Variants in PIK3R6 observed in about 807,000 individuals in gnomAD.
The protein encoded by PIK3R6 is phosphoinositide-3-kinase regulatory subunit 6.
In PIK3R6, 91 loss-of-function variants were observed where a neutral mutation model predicts 84.9. The observed-to-expected ratio is 1.07, with a 90% CI of 0.90 to 1.28. The LOEUF is 1.28. Ranked by LOEUF, PIK3R6 falls within the 50% of genes most tolerant of loss-of-function variation. PIK3R6 has a pLI of 0.00. For missense variants in PIK3R6, 996 were observed against 985.1 expected (o/e 1.01, Z -0.15); for synonymous variants, 416 against 411.4 (o/e 1.01, Z -0.13).
chr17:8,843,578 C>G (rs937604821), intron 2 of PIK3R6, among the ~76,000 whole-genome samples: 12 of 152,024 alleles, frequency 7.9e-5, no homozygotes, highest in African/African-American at 2.9e-4. Context: ...AAAACAAACT[C>G]TCAGGCTTTG....
At chr17:8,864,537 T>TTG (rs1397568859) in intron 1 of PIK3R6, among the ~76,000 whole-genome samples, 3 of 133,994 alleles carry the variant, frequency 2.2e-5, no homozygotes, top group African/African-American at 8.6e-5. Context: ...CTCTTTTTTT[T>TTG]TTTTTTTTTT....
Position 8,804,157 on chromosome 17 carries a change from C to T in PIK3R6, c.1996-4G>A, listed in dbSNP as rs748086634. 6.2e-7 allele frequency: 1 copy of T among 1,609,828 alleles called. No individual in the cohort carries two copies. Among genetic ancestry groups the T allele is most frequent in the Non-Finnish European group, 8.5e-7 (1 of 1,176,120 alleles). On this transcript the variant is annotated splice_region_variant and splice_polypyrimidine_tract_variant and intron_variant, in intron 18 of 19. Transcript: ENST00000619866. Reference sequence around the variant, plus strand: ...TCCTGAAGGTGTTGGTCACTGTCTGCAGCACAGAGATCGCACGTGTGAGTG... The same window carrying T: ...TCCTGAAGGTGTTGGTCACTGTCTGTAGCACAGAGATCGCACGTGTGAGTG...
At chr17:8,819,307 A>C in intron 17 of PIK3R6, 109 bp from the exon 18 acceptor site, 1 of 696,928 alleles carries the variant, frequency 1.4e-6, no homozygotes, top group Non-Finnish European at 2.3e-6. Context: ...CAGCCCTGTC[A>C]CTCCTCCTTG....
rs8067644 is a variant in PIK3R6, at chr17:8,862,095, C to T, written c.-92+5434G>A. Among the ~76,000 whole-genome samples, 54,933 of 152,066 alleles carry T rather than the reference C, an allele frequency of 0.36. 11,288 individuals are homozygous for T. The highest frequency in any genetic ancestry group is 0.54 in the African/African-American group (22,524 of 41,458). ...AGCAGAAATGTGTTCTGATTGACAG[C>T]AGCCAGGTTCAGTACTATTGGAGGT... On this transcript the variant is annotated intron_variant, in intron 1 of 19. Coordinates refer to ENST00000619866, the MANE Select transcript of PIK3R6 (RefSeq NM_001010855.4). This position sits in a 1 kb window ranked among gnomAD's most constrained non-coding sequence, Gnocchi z 4.3.
rs2151158969 is a variant in PIK3R6, at chr17:8,802,935, G to C, written c.*338C>G. On this transcript the variant is annotated 3_prime_UTR_variant, in exon 20 of 20. Transcript: ENST00000619866. ...TGGCCAAGACAGCAGCTTTAACCCT[G>C]GTTTTAAGGGCTGGATGGGGAGCTT... 2 of 267,164 alleles carry C rather than the reference G, an allele frequency of 7.5e-6. No homozygotes were observed. Among genetic ancestry groups the C allele is most frequent in the South Asian group, 4.0e-5 (1 of 25,102 alleles). The allele number at this position is 267,164 out of a possible 1,614,324, so 16.5% of individuals were successfully genotyped here. A position where few individuals can be genotyped will look rare whatever the true frequency, so the allele number is the denominator to read the frequency against.
At chr17:8,831,223 G>A (rs1218116753) in intron 9 of PIK3R6, among the ~76,000 whole-genome samples, 2 of 146,594 alleles carry the variant, frequency 1.4e-5, no homozygotes, top group Non-Finnish European at 3.0e-5. Context: ...CCAGCTAGTC[G>A]AAAGGCTGAG....
At chr17:8,854,584 A>G (rs143224165) in intron 1 of PIK3R6, among the ~76,000 whole-genome samples, 350 of 152,370 alleles carry the variant, frequency 2.3e-3, no homozygotes, top group Non-Finnish European at 4.1e-3. Context: ...TTGTAAAGGC[A>G]AGTCAATGGA....
chr17:8,817,217 A>T (rs1053238582), intron 18 of PIK3R6, among the ~76,000 whole-genome samples: 3 of 152,256 alleles, frequency 2.0e-5, no homozygotes, highest in Non-Finnish European at 4.4e-5. Flanking sequence ...ATATCTAGAA[A>T]AAAAGGATTG....
chr17:8,819,775 C>T (rs959582000), intron 17 of PIK3R6, among the ~76,000 whole-genome samples: 24 of 144,404 alleles, frequency 1.7e-4, no homozygotes, highest in South Asian at 2.2e-4. Context: ...TGTATATATA[C>T]GCACACATAT....
At chr17:8,837,009 T>C in intron 5 of PIK3R6, 86 bp from the exon 6 acceptor site, 1 of 899,724 alleles carries the variant, frequency 1.1e-6, no homozygotes, top group Non-Finnish European at 1.7e-6. Flanking sequence ...CGGGGGAGTT[T>C]CCGGGGAGGG....
At chr17:8,827,458 T>C (rs1215512706) in intron 12 of PIK3R6, among the ~76,000 whole-genome samples, 164 bp from the exon 13 acceptor site, 3 of 152,232 alleles carry the variant, frequency 2.0e-5, no homozygotes, top group Non-Finnish European at 4.4e-5. Context: ...TAAACTCAGA[T>C]GAAGCTAGAA....
chr17:8,820,229 G>C (rs1244792504), intron 17 of PIK3R6, among the ~76,000 whole-genome samples: 1 of 151,816 alleles, frequency 6.6e-6, no homozygotes. Context: ...ACTAAAGAGG[G>C]TTTGTAGAAG....
At chr17:8,843,056 G>A (rs1472222933) in intron 2 of PIK3R6, among the ~76,000 whole-genome samples, 1 of 152,178 alleles carries the variant, frequency 6.6e-6, no homozygotes, top group African/African-American at 2.4e-5. Context: ...CCTCCAGGCT[G>A]AGAGTGGACA....
At position 8,840,324 on chromosome 17, in the gene PIK3R6, C is replaced by A. The variant is rs1021017297; in HGVS notation, c.14-627G>T. Reference sequence around the variant, plus strand: ...TATGTATATGAAATATATATAGCCTCCAAATATGTATATGAAATATATATA... The same window carrying A: ...TATGTATATGAAATATATATAGCCTACAAATATGTATATGAAATATATATA... On this transcript the variant is annotated intron_variant, in intron 2 of 19. Coordinates refer to ENST00000619866, the MANE Select transcript of PIK3R6 (RefSeq NM_001010855.4). Among the ~76,000 whole-genome samples, 340 of 111,060 alleles carry A rather than the reference C, an allele frequency of 3.1e-3. 5 individuals carry two copies. Among genetic ancestry groups the A allele is most frequent in the Admixed American group, 4.3e-3 (43 of 9,988 alleles). 72.9% of individuals were successfully genotyped at this position (111,060 alleles called of 152,430 possible).
chr17:8,862,899 C>T lies in PIK3R6; in HGVS notation c.-92+4630G>A, dbSNP rs967958944. Among the ~76,000 whole-genome samples the T allele has an allele frequency of 6.6e-6, 1 of 152,218 alleles. No homozygotes were observed. The highest frequency in any genetic ancestry group is 2.4e-5 in the African/African-American group (1 of 41,458). On this transcript the variant is annotated intron_variant, in intron 1 of 19. Transcript: ENST00000619866. This position sits in a 1 kb window ranked among gnomAD's most constrained non-coding sequence, Gnocchi z 4.3. ...ACTCCCCACCCACTGTGCCCACTCA[C>T]TTACACTGCCCACAGCATTCACTCA...
intron 18 of PIK3R6, among the ~76,000 whole-genome samples, chr17:8,818,574 G>A (rs1289595065): frequency 3.3e-5 from 5 of 152,174 alleles, no homozygotes; most frequent in Non-Finnish European, 7.3e-5. Context: ...GCTTGAACCT[G>A]AGAGGCGGGG....
At chr17:8,865,043 C>T (rs1340303946) in intron 1 of PIK3R6, among the ~76,000 whole-genome samples, 1 of 152,128 alleles carries the variant, frequency 6.6e-6, no homozygotes, top group Non-Finnish European at 1.5e-5. Context: ...TCTATGGACA[C>T]GGCAAAAAGA....
chr17:8,813,455 C>CA (rs995274899), intron 18 of PIK3R6, among the ~76,000 whole-genome samples: 27 of 151,828 alleles, frequency 1.8e-4, no homozygotes, highest in Admixed American at 2.0e-4. Flanking sequence ...ACAACAACAA[C>CA]AAAAAAAACT....
chr17:8,857,422 C>T (rs1030309163), intron 1 of PIK3R6, among the ~76,000 whole-genome samples: 4 of 152,140 alleles, frequency 2.6e-5, no homozygotes, highest in Non-Finnish European at 5.9e-5. Context: ...CCCTGACGTC[C>T]GCATGCCTTC....
Sources: allele counts gnomAD v4.1 joint callset (sites outside exome capture counted in the v4.1 genomes callset), GRCh38; gene constraint gnomAD v4.1.1; non-coding constraint Gnocchi (gnomAD v3.1); transcripts MANE v1.5; gene names NCBI Gene and HGNC (gene_info 2026-07-23, HGNC 2026-07-21).